CLVS1: variants seen among roughly 807,000 people sequenced by gnomAD.
The protein encoded by CLVS1 is clavesin-1.
A neutral mutation model predicts 33.1 loss-of-function variants in CLVS1; 10 were observed. The ratio of observed to expected loss-of-function variants is 0.30; its 90% CI spans 0.19 to 0.51. CLVS1 has a LOEUF of 0.51. Ranked by LOEUF, CLVS1 falls within the 20% of genes least tolerant of loss-of-function variation. The probability of loss-of-function intolerance (pLI) is 0.97; values close to 1 mark genes in which losing one functional copy is unlikely to be tolerated. For synonymous variants in CLVS1, 163 were observed against 166.1 expected, an observed-to-expected ratio of 0.98 and a Z score of 0.14; for missense variants, 343 against 433.4, an observed-to-expected ratio of 0.79 and a Z score of 1.85.
In CLVS1 at chr8:61,266,042, C is replaced by T. The variant is rs142800795; in HGVS notation, c.-151-33635C>T. On this transcript the variant is annotated intron_variant, in intron 2 of 2. Transcript: ENST00000522621. Reference sequence around the variant, plus strand: ...ATGGACAGGTCTAAGGCTTCCTGTTCGTCTCCCCATGAAATGTCAGATGAG... The same window carrying T: ...ATGGACAGGTCTAAGGCTTCCTGTTTGTCTCCCCATGAAATGTCAGATGAG... Among the ~76,000 whole-genome samples the T allele has an allele frequency of 6.0e-3, 912 of 152,160 alleles. 5 individuals are homozygous for T. Among genetic ancestry groups the T allele is most frequent in the African/African-American group, 0.019 (778 of 41,504 alleles).
At chr8:61,213,660 T>C (rs1808019938) in intron 2 of CLVS1, among the ~76,000 whole-genome samples, 1 of 152,148 alleles carries the variant, frequency 6.6e-6, no homozygotes. Flanking sequence ...TACTTTAATC[T>C]CTTAATCCTG....
chr8:61,422,662 G>T (rs924274272), intron 3 of CLVS1, among the ~76,000 whole-genome samples: 5 of 152,142 alleles, frequency 3.3e-5, no homozygotes, highest in African/African-American at 1.2e-4. Flanking sequence ...TTTGAATAGG[G>T]TTACCTAGAA....
At chr8:60,967,459 C>T in the CLVS1 span, 3 of 330,752 alleles carry the variant, frequency 9.1e-6, no homozygotes, top group East Asian at 9.3e-5. Flanking sequence ...GAACGGAAGC[C>T]GCATAGAGAC....
chr8:61,140,712 C>A (rs986408876), intron 2 of CLVS1, among the ~76,000 whole-genome samples: 1 of 152,110 alleles, frequency 6.6e-6, no homozygotes, highest in Admixed American at 6.5e-5. Context: ...AAGGCGCCTG[C>A]CACCATGCCC....
intron 1 of CLVS1, among the ~76,000 whole-genome samples, chr8:61,295,942 T>C (rs1810190534): frequency 6.6e-6 from 1 of 152,202 alleles, no homozygotes; most frequent in African/African-American, 2.4e-5. Flanking sequence ...ATTATTAATA[T>C]TGCCAGCACA....
chr8:61,425,985 T>C (rs1471563557), intron 3 of CLVS1, among the ~76,000 whole-genome samples: 1 of 152,228 alleles, frequency 6.6e-6, no homozygotes, highest in East Asian at 1.9e-4. Context: ...TTTAGAGCTG[T>C]AATTACACTC....
At chr8:61,328,054 A>T (rs1298665034) in intron 2 of CLVS1, among the ~76,000 whole-genome samples, 8 of 152,214 alleles carry the variant, frequency 5.3e-5, no homozygotes, top group African/African-American at 4.8e-5. Flanking sequence ...TTTACATGTT[A>T]TCTTCCTTTC....
chr8:61,009,365 C>G, the CLVS1 span, among the ~76,000 whole-genome samples: 3 of 152,152 alleles, frequency 2.0e-5, no homozygotes, highest in Non-Finnish European at 2.9e-5. Flanking sequence ...TCAGGCTGGT[C>G]TCGAACTCCT....
At chr8:61,034,032 C>G in the CLVS1 span, among the ~76,000 whole-genome samples, 1 of 152,076 alleles carries the variant, frequency 6.6e-6, no homozygotes, top group South Asian at 2.1e-4. Context: ...GCGGGAGAGG[C>G]CAGGACCAGA....
chr8:60,973,672 A>T, the CLVS1 span, among the ~76,000 whole-genome samples: 79 of 152,286 alleles, frequency 5.2e-4, no homozygotes, highest in African/African-American at 1.8e-3. Context: ...TTGGGGTTTT[A>T]TATGTTGGCA....
chr8:61,145,451 A>G lies in CLVS1; in HGVS notation c.-152+13591A>G, dbSNP rs114505586. 1.1e-3 allele frequency among the ~76,000 whole-genome samples: 170 copies of G among 152,338 alleles called. 1 individual carries two copies. Among genetic ancestry groups the G allele is most frequent in the African/African-American group, 3.7e-3 (154 of 41,584 alleles). Reference sequence around the variant, plus strand: ...AGGTGACTCTTCAAATATGGTAGGTACAAAGACCCGTTGTACTGTTTACAT... The same window carrying G: ...AGGTGACTCTTCAAATATGGTAGGTGCAAAGACCCGTTGTACTGTTTACAT... On this transcript the variant is annotated intron_variant, in intron 2 of 2. Coordinates refer to the CLVS1 transcript ENST00000522621.
At chr8:61,263,221 C>T (rs1355457564) in intron 2 of CLVS1, among the ~76,000 whole-genome samples, 1 of 152,090 alleles carries the variant, frequency 6.6e-6, no homozygotes, top group Admixed American at 6.6e-5. Flanking sequence ...CTGCCATTTC[C>T]CCAGCAGAGG....
intron 2 of CLVS1, among the ~76,000 whole-genome samples, chr8:61,157,145 G>A (rs1340683838): frequency 6.6e-6 from 1 of 152,194 alleles, no homozygotes; most frequent in African/African-American, 2.4e-5. Context: ...TCTAGCTTGT[G>A]TCAGTTACCT....
chr8:61,047,349 A>C, the CLVS1 span, among the ~76,000 whole-genome samples: 2 of 152,180 alleles, frequency 1.3e-5, no homozygotes, highest in African/African-American at 4.8e-5. Flanking sequence ...ACAATTTTAC[A>C]CTGTTTGTGG....
chr8:61,130,555 G>A (rs1186534771), intron 1 of CLVS1, among the ~76,000 whole-genome samples: 11 of 152,210 alleles, frequency 7.2e-5, no homozygotes, highest in Admixed American at 7.2e-4. Flanking sequence ...GGTATCTTGG[G>A]TGAGAAAATA....
At chr8:60,973,238 T>A in the CLVS1 span, among the ~76,000 whole-genome samples, 1 of 152,246 alleles carries the variant, frequency 6.6e-6, no homozygotes, top group African/African-American at 2.4e-5. Flanking sequence ...AAATGTTTAG[T>A]GAGCATGATT....
intron 1 of CLVS1, among the ~76,000 whole-genome samples, chr8:61,099,341 G>C (rs921331031): frequency 1.3e-5 from 2 of 152,104 alleles, no homozygotes; most frequent in African/African-American, 2.4e-5. Flanking sequence ...TGGAGAGGTA[G>C]AGTAGCAAAT....
intron 3 of CLVS1, 47 bp from the exon 4 acceptor site, chr8:61,454,094 C>T (rs1031399122): frequency 7.6e-7 from 1 of 1,316,180 alleles, no homozygotes; most frequent in South Asian, 1.2e-5. Context: ...TCCAGTCTAA[C>T]AAGGTGTGCT....
At chr8:61,328,629 C>T (rs1015790424) in intron 2 of CLVS1, among the ~76,000 whole-genome samples, 12 of 152,142 alleles carry the variant, frequency 7.9e-5, no homozygotes, top group Non-Finnish European at 1.3e-4. Flanking sequence ...AAAGCCTGCT[C>T]CAGACAGAAA....
Sources: allele counts gnomAD v4.1 joint callset (sites outside exome capture counted in the v4.1 genomes callset), GRCh38; gene constraint gnomAD v4.1.1; transcripts MANE v1.5; gene names NCBI Gene and HGNC (gene_info 2026-07-23, HGNC 2026-07-21).